The following SDC4 variants were observed in gnomAD, a reference collection of about 807,000 sequenced individuals.
SDC4 encodes the protein syndecan-4.
Under a neutral mutation model 20.5 loss-of-function variants are expected in SDC4, and 17 were observed. The observed-to-expected ratio is 0.83, with a 90% CI of 0.57 to 1.25. The LOEUF is 1.25. Among genes scored for constraint, SDC4 ranks in the 50% most tolerant of loss-of-function variants. The pLI is 0.00. For synonymous variants in SDC4, 107 were observed against 105.3 expected (o/e 1.02, Z -0.10); for missense variants, 241 against 252.3 (o/e 0.96, Z 0.30).
rs1048887513 is a variant in SDC4, at chr20:45,325,730, C to T, written c.*1534G>A. On this transcript the variant is annotated 3_prime_UTR_variant, in exon 5 of 5. Coordinates refer to ENST00000372733, the MANE Select transcript of SDC4 (RefSeq NM_002999.4). The stretch of plus-strand genomic sequence containing the variant: ...AGAATAGTGCTGTCCAACAGATGGA[C>T]ATGCTCTCGCTGTCAGTACAGTAGC... 2 of 150,888 alleles carry T rather than the reference C, an allele frequency of 1.3e-5. No individual in the cohort carries two copies. Among genetic ancestry groups the T allele is most frequent in the Non-Finnish European group, 2.9e-5 (2 of 68,036 alleles). 9.3% of individuals were successfully genotyped at this position (150,888 alleles called of 1,614,324 possible). A position where few individuals can be genotyped will look rare whatever the true frequency, so the allele number is the denominator to read the frequency against.
rs777093292 is a variant in SDC4 at position 45,335,922 on chromosome 20, TAAGATA to T, written c.61-8_61-3del. ...GTCGATGACCTCAGTCTCTCGGATC[TAAGATA>T]AAGAAAGGAGACACATCAGCCAACA... On this transcript the variant is annotated splice_polypyrimidine_tract_variant and splice_region_variant and intron_variant, in intron 1 of 4. Transcript: ENST00000372733. 2 of 1,610,870 alleles carry T rather than the reference TAAGATA, an allele frequency of 1.2e-6. No individual in the cohort carries two copies. The highest frequency in any genetic ancestry group is 1.7e-6 in the Non-Finnish European group (2 of 1,179,804).
At chr20:45,348,296 C>T (rs1283658027) in intron 1 of SDC4, 29 bp downstream of exon 1, 3 of 1,562,202 alleles carry the variant, frequency 1.9e-6, no homozygotes, top group South Asian at 1.2e-5. Flanking sequence ...CCCGCTTCGC[C>T]CCCAGCCCGG....
intron 1 of SDC4, among the ~76,000 whole-genome samples, chr20:45,340,298 T>C (rs1343444692): frequency 6.6e-6 from 1 of 152,240 alleles, no homozygotes; most frequent in Admixed American, 6.5e-5. Context: ...TTCATTTAAA[T>C]GGCAAAACAG....
chr20:45,342,569 G>A (rs1251400310), intron 1 of SDC4, among the ~76,000 whole-genome samples: 2 of 152,100 alleles, frequency 1.3e-5, no homozygotes, highest in Non-Finnish European at 2.9e-5. Context: ...TGGAGCAGCC[G>A]AGCTCCCGGG....
At chr20:45,335,315 C>G (rs780789060) in intron 2 of SDC4, among the ~76,000 whole-genome samples, 6 of 152,058 alleles carry the variant, frequency 3.9e-5, no homozygotes, top group Non-Finnish European at 7.4e-5. Context: ...GTAGCTGGGA[C>G]TCCTACAGGT....
chr20:45,333,104 A>G (rs1987804567), intron 2 of SDC4, 35 bp from the exon 3 acceptor site: 2 of 1,605,984 alleles, frequency 1.2e-6, no homozygotes, highest in East Asian at 2.2e-5. Context: ...AGTGAGGTCC[A>G]TTACCCCAGG....
At chr20:45,341,824 A>G (rs1987957012) in intron 1 of SDC4, among the ~76,000 whole-genome samples, 1 of 152,162 alleles carries the variant, frequency 6.6e-6, no homozygotes, top group Admixed American at 6.5e-5. Context: ...AAATGGGGGA[A>G]GGGTTCAGGA....
intron 2 of SDC4, among the ~76,000 whole-genome samples, chr20:45,334,319 C>G (rs1484479885): frequency 6.6e-6 from 1 of 151,010 alleles, no homozygotes; most frequent in African/African-American, 2.4e-5. Flanking sequence ...TTAACAAGAT[C>G]CCCAGGGAAT....
At chr20:45,343,059 G>A (rs1987977849) in intron 1 of SDC4, among the ~76,000 whole-genome samples, 1 of 152,106 alleles carries the variant, frequency 6.6e-6, no homozygotes, top group Non-Finnish European at 1.5e-5. Flanking sequence ...AGCTAGGACG[G>A]GGGCTGGAGT....
chr20:45,347,053 G>T (rs1981429), intron 1 of SDC4, among the ~76,000 whole-genome samples: 81,195 of 151,888 alleles, frequency 0.53, 22,442 homozygotes, highest in East Asian at 0.9. Context: ...TTAAGCTCCT[G>T]GATATACCCA....
At chr20:45,332,362 T>C (rs1374857038) in intron 3 of SDC4, among the ~76,000 whole-genome samples, 1 of 152,118 alleles carries the variant, frequency 6.6e-6, no homozygotes, top group Non-Finnish European at 1.5e-5. Flanking sequence ...GGTTTCACCA[T>C]GTTGGCCAGG....
intron 1 of SDC4, among the ~76,000 whole-genome samples, chr20:45,342,407 G>A (rs955549608): frequency 6.6e-6 from 1 of 152,210 alleles, no homozygotes; most frequent in Non-Finnish European, 1.5e-5. Context: ...CCAGAGGCTA[G>A]AGTGACACCG....
intron 1 of SDC4, among the ~76,000 whole-genome samples, chr20:45,339,566 T>G (rs537742764): frequency 6.6e-6 from 1 of 152,264 alleles, no homozygotes; most frequent in Non-Finnish European, 1.5e-5. Context: ...CTGGGCAACA[T>G]GGTGAAACCC....
intron 1 of SDC4, among the ~76,000 whole-genome samples, chr20:45,342,913 T>C (rs1035637099): frequency 4.6e-5 from 7 of 152,212 alleles, no homozygotes; most frequent in African/African-American, 1.7e-4. Flanking sequence ...GTCTAGGTGC[T>C]AATAAAGCCA....
chr20:45,333,651 A>G (rs1987814945), intron 2 of SDC4, among the ~76,000 whole-genome samples: 1 of 152,240 alleles, frequency 6.6e-6, no homozygotes, highest in Admixed American at 6.5e-5. Flanking sequence ...CCTGGGCGAC[A>G]GAACAAGACT....
intron 1 of SDC4, 86 bp downstream of exon 1, chr20:45,348,239 C>CG: frequency 1.7e-6 from 2 of 1,167,470 alleles, no homozygotes; most frequent in Non-Finnish European, 2.5e-6. Context: ...CGATCTGCCC[C>CG]CCCCCATCCC....
intron 2 of SDC4, 42 bp downstream of exon 2, chr20:45,335,740 C>T: frequency 3.7e-6 from 6 of 1,602,060 alleles, no homozygotes; most frequent in Non-Finnish European, 5.1e-6. Context: ...CCACCACTCC[C>T]TCCAGCTTTG....
rs894227725 is a variant in SDC4 at position 45,326,020 on chromosome 20, A to G, written c.*1244T>C. The stretch of plus-strand genomic sequence containing the variant: ...AGGAACAGGGCAAGAGAAAAAGGCA[A>G]AAACCCACCCAGCCACATGAAAATT... On this transcript the variant is annotated 3_prime_UTR_variant, in exon 5 of 5. Transcript: ENST00000372733. 22 of 152,660 alleles carry G rather than the reference A, an allele frequency of 1.4e-4. No homozygotes were observed. The highest frequency in any genetic ancestry group is 5.1e-4 in the African/African-American group (21 of 41,450). The allele number at this position is 152,660 out of a possible 1,614,324, so 9.5% of individuals were successfully genotyped here.
intron 3 of SDC4, 130 bp downstream of exon 3, chr20:45,332,893 A>G: frequency 1.2e-6 from 1 of 847,648 alleles, no homozygotes; most frequent in Non-Finnish European, 1.8e-6. Context: ...CAGATTTTTA[A>G]AAAGCCTTCC....
Sources: gnomAD v4.1 joint callset for allele counts (sites outside exome capture counted in the v4.1 genomes callset) on GRCh38, gnomAD v4.1.1 for gene constraint, MANE v1.5 for transcripts, NCBI Gene and HGNC (gene_info 2026-07-23, HGNC 2026-07-21) for gene names.